The following CACNA2D2 variants were observed in gnomAD, a reference collection of about 807,000 sequenced individuals.
CACNA2D2 encodes the protein calcium voltage-gated channel auxiliary subunit alpha2delta 2, also known as voltage-dependent calcium channel subunit alpha-2/delta-2.
Under a neutral mutation model 166.4 loss-of-function variants are expected in CACNA2D2, and 48 were observed. The ratio of observed to expected loss-of-function variants is 0.29; its 90% confidence interval spans 0.23 to 0.37. CACNA2D2 has a LOEUF of 0.37. Ranked by LOEUF, CACNA2D2 falls within the 10% of genes least tolerant of loss-of-function variation. CACNA2D2 has a pLI of 1.00. For synonymous variants in CACNA2D2, 561 were observed against 573.7 expected, an observed-to-expected ratio of 0.98 and a Z score of 0.32; for missense variants, 1,122 against 1,433.0, an observed-to-expected ratio of 0.78 and a Z score of 3.50.
chr3:50,477,273 C>G (rs779081137), intron 1 of CACNA2D2, among the ~76,000 whole-genome samples: 1 of 152,188 alleles, frequency 6.6e-6, no homozygotes, highest in African/African-American at 2.4e-5. Flanking sequence ...GCTTCCTTCT[C>G]TGGAATACGG....
chr3:50,457,009 G>C (rs998538530), intron 2 of CACNA2D2, among the ~76,000 whole-genome samples: 1 of 152,206 alleles, frequency 6.6e-6, no homozygotes, highest in African/African-American at 2.4e-5. Context: ...CAGCACTTTG[G>C]GAGGCTGAGG....
At chr3:50,418,555 G>A (rs1367830957) in intron 3 of CACNA2D2, among the ~76,000 whole-genome samples, 1 of 152,222 alleles carries the variant, frequency 6.6e-6, no homozygotes, top group African/African-American at 2.4e-5. Context: ...CGGTCAGGGT[G>A]TCCTCAGGGT....
Position 50,379,605 on chromosome 3 carries a change from G to A in CACNA2D2, c.994-15C>T, listed in dbSNP as rs1705191862. On this transcript the variant is annotated splice_polypyrimidine_tract_variant and intron_variant, in intron 10 of 37. Transcript: ENST00000424201. This position sits in a 1 kb window ranked among gnomAD's most constrained non-coding sequence, Gnocchi z 6.5. The stretch of plus-strand genomic sequence containing the variant: ...TTCTCGTTGAACTGCAGGAACAGTA[G>A]GGTGGTGAGTGGCCTCAGGCTGGCC... 1 of 1,613,438 alleles carries A rather than the reference G, an allele frequency of 6.2e-7. No homozygotes were observed. The highest frequency in any genetic ancestry group is 1.3e-5 in the African/African-American group (1 of 74,930).
intron 3 of CACNA2D2, among the ~76,000 whole-genome samples, chr3:50,404,283 C>T (rs762595242): frequency 6.6e-6 from 1 of 152,178 alleles, no homozygotes; most frequent in Non-Finnish European, 1.5e-5. Context: ...CGAGGGGCAG[C>T]CTCTGGGGTC....
chr3:50,365,729 G>A lies in CACNA2D2; in HGVS notation c.2916-41C>T, dbSNP rs587648190. On this transcript the variant is annotated intron_variant, in intron 33 of 37. Transcript: ENST00000424201. The surrounding 1 kb of genome is among the most constrained non-coding windows in gnomAD (Gnocchi z 4.5). ...AGCCGAGTGCAGGTGGTCAGCAGAG[G>A]ACGATGCCATGCCCTACTTCTCTTC... The A allele has an allele frequency of 8.1e-5, 129 of 1,602,414 alleles. No homozygotes were observed. The Admixed American group carries it at 2.2e-3, about 27-fold the overall frequency.
In CACNA2D2 at chr3:50,375,911, C is replaced by T. The variant is rs774305518; in HGVS notation, c.1774-31G>A. ...AGGGCCAGAGATGTGAGGGGCAGGG[C>T]CCCTACACTCCTCTGCTCTGTCCCC... On this transcript the variant is annotated intron_variant, in intron 19 of 37. Coordinates refer to ENST00000424201, the MANE Select transcript of CACNA2D2 (RefSeq NM_006030.4). This position sits in a 1 kb window ranked among gnomAD's most constrained non-coding sequence, Gnocchi z 4.0. The T allele has an allele frequency of 1.9e-6, 3 of 1,612,636 alleles. No homozygotes were observed. Among genetic ancestry groups the T allele is most frequent in the Non-Finnish European group, 2.5e-6 (3 of 1,179,718 alleles).
intron 3 of CACNA2D2, among the ~76,000 whole-genome samples, chr3:50,411,772 C>A (rs1156693882): frequency 2.0e-5 from 3 of 152,184 alleles, no homozygotes; most frequent in Admixed American, 2.0e-4. Context: ...CTGAGATGGT[C>A]ACACCTGTGT....
intron 2 of CACNA2D2, among the ~76,000 whole-genome samples, chr3:50,443,139 A>C (rs1386902437): frequency 6.6e-6 from 1 of 152,150 alleles, no homozygotes; most frequent in African/African-American, 2.4e-5. Flanking sequence ...GGCACGGGGG[A>C]GTGCGAGTAA....
chr3:50,397,198 A>G (rs1422630834), intron 3 of CACNA2D2, among the ~76,000 whole-genome samples: 2 of 152,264 alleles, frequency 1.3e-5, no homozygotes, highest in South Asian at 2.1e-4. Flanking sequence ...AGGCTGGGTC[A>G]GCCCACTGAC....
rs775577541 is a variant in CACNA2D2 at position 50,365,017 on chromosome 3, G to A, written c.3209-47C>T. 1 of 1,604,810 alleles carries A rather than the reference G, an allele frequency of 6.2e-7. No homozygotes were observed. Among genetic ancestry groups the A allele is most frequent in the Non-Finnish European group, 8.5e-7 (1 of 1,176,280 alleles). ...AGGAGGCGGACGGCGGCGGCGGCAC[G>A]GAGGGGGCGCGCGGGGCAGAGGGGG... On this transcript the variant is annotated intron_variant, in intron 36 of 37. Transcript: ENST00000424201. This position sits in a 1 kb window ranked among gnomAD's most constrained non-coding sequence, Gnocchi z 4.5.
Position 50,380,722 on chromosome 3 carries a change from TC to T in CACNA2D2, c.842+25del. 1 of 1,484,556 alleles carries T rather than the reference TC, an allele frequency of 6.7e-7. No homozygotes were observed. Among genetic ancestry groups the T allele is most frequent in the Non-Finnish European group, 9.0e-7 (1 of 1,114,436 alleles). The allele number at this position is 1,484,556 out of a possible 1,614,324, so 92.0% of individuals were successfully genotyped here. A position where few individuals can be genotyped will look rare whatever the true frequency, so the allele number is the denominator to read the frequency against. On this transcript the variant is annotated intron_variant, in intron 8 of 37. Coordinates refer to ENST00000424201, the MANE Select transcript of CACNA2D2 (RefSeq NM_006030.4). The surrounding 1 kb of genome is among the most constrained non-coding windows in gnomAD (Gnocchi z 4.9). ...AGGTGGGGAACTGAGGGGGTGTCCC[TC>T]CCCAGCCCCTTCTTGCTCGCTCACC...
chr3:50,447,148 G>A (rs1708883884), intron 2 of CACNA2D2, among the ~76,000 whole-genome samples: 1 of 152,228 alleles, frequency 6.6e-6, no homozygotes, highest in Non-Finnish European at 1.5e-5. Flanking sequence ...AGCTTCCGGG[G>A]GAGGGGATCC....
At chr3:50,488,270 T>C (rs536611903) in intron 1 of CACNA2D2, among the ~76,000 whole-genome samples, 1 of 152,096 alleles carries the variant, frequency 6.6e-6, no homozygotes, top group Non-Finnish European at 1.5e-5. Context: ...CTCAAGTACA[T>C]GGGAGCACCT....
intron 2 of CACNA2D2, among the ~76,000 whole-genome samples, chr3:50,452,025 C>T (rs537860746): frequency 2.6e-5 from 4 of 152,310 alleles, no homozygotes; most frequent in African/African-American, 9.6e-5. Flanking sequence ...GGCACGAGGC[C>T]CTCATCCCCT....
Position 50,363,849 on chromosome 3 carries a change from G to C in CACNA2D2, c.*817C>G, listed in dbSNP as rs1405649708. On this transcript the variant is annotated 3_prime_UTR_variant, in exon 38 of 38. Transcript: ENST00000424201. ...AGCATTTGGCACTGTTTGACATTCA[G>C]CTTTAGAAATGGGAGGACCAGCCAG... The C allele has an allele frequency of 6.6e-6, 1 of 152,666 alleles. No homozygotes were observed. The highest frequency in any genetic ancestry group is 2.4e-5 in the African/African-American group (1 of 41,440). 9.5% of individuals were successfully genotyped at this position (152,666 alleles called of 1,614,324 possible).
At chr3:50,499,091 A>C (rs187939981) in intron 1 of CACNA2D2, among the ~76,000 whole-genome samples, 4 of 152,228 alleles carry the variant, frequency 2.6e-5, no homozygotes, top group Middle Eastern at 3.4e-3. Flanking sequence ...TGTTGCAGGG[A>C]GTGAGGGAGG....
chr3:50,485,586 C>A (rs551833136), intron 1 of CACNA2D2, among the ~76,000 whole-genome samples: 1 of 152,226 alleles, frequency 6.6e-6, no homozygotes, highest in South Asian at 2.1e-4. Context: ...CAGCAGCTCC[C>A]ACCACCCAGC....
intron 2 of CACNA2D2, among the ~76,000 whole-genome samples, chr3:50,438,502 G>T (rs1575686838): frequency 6.6e-6 from 1 of 152,176 alleles, no homozygotes; most frequent in South Asian, 2.1e-4. Flanking sequence ...ATGGCTCCGT[G>T]TAAGTGGGAG....
At chr3:50,407,904 G>A (rs1336459965) in intron 3 of CACNA2D2, among the ~76,000 whole-genome samples, 1 of 152,206 alleles carries the variant, frequency 6.6e-6, no homozygotes, top group Non-Finnish European at 1.5e-5. Flanking sequence ...AGGAAGGAGG[G>A]CAGTGGAGGC....
Sources: allele counts gnomAD v4.1 joint callset (sites outside exome capture counted in the v4.1 genomes callset), GRCh38; gene constraint gnomAD v4.1.1; non-coding constraint Gnocchi (gnomAD v3.1); transcripts MANE v1.5; gene names NCBI Gene and HGNC (gene_info 2026-07-23, HGNC 2026-07-21).